Variants in VPS26A observed in about 807,000 individuals in gnomAD.
VPS26A encodes the protein VPS26 retromer complex component A.
In VPS26A, 22 loss-of-function variants were observed where a neutral mutation model predicts 42.4. The observed-to-expected ratio is 0.52, with a 90% confidence interval of 0.37 to 0.74. VPS26A has a LOEUF of 0.74. Among genes scored for constraint, VPS26A ranks in the 30% least tolerant of loss-of-function variants. The probability of loss-of-function intolerance (pLI) is 0.00; values close to 1 mark genes in which losing one functional copy is unlikely to be tolerated. For synonymous variants in VPS26A, 110 were observed against 123.5 expected (o/e 0.89, Z 0.73); for missense variants, 276 against 379.2 (o/e 0.73, Z 2.26).
At position 69,168,614 on chromosome 10, in the gene VPS26A, A is replaced by C; in HGVS notation, c.853A>C (p.Arg285=). The C allele has an allele frequency of 6.2e-7, 1 of 1,613,780 alleles. No individual in the cohort carries two copies. Among genetic ancestry groups the C allele is most frequent in the Non-Finnish European group, 8.5e-7 (1 of 1,179,854 alleles). The change falls in exon 8 of 9, where the codon AGG becomes CGG. Residue 285 remains arginine (R), a synonymous_variant. Transcript: ENST00000263559. ...NLVLVDEEDR[R]YFKQQEIILW... ...AGTGCTTGTTGATGAGGAAGACCGG[A>C]GGTACTTCAAACAGCAGGTATGGTG...
chr10:69,136,809 T>A (rs568621249), intron 2 of VPS26A, among the ~76,000 whole-genome samples: 1 of 143,226 alleles, frequency 7.0e-6, no homozygotes, highest in East Asian at 1.9e-4. Context: ...TTATTTATTT[T>A]GAGATGGAGT....
intron 2 of VPS26A, among the ~76,000 whole-genome samples, chr10:69,147,019 A>G (rs1841173664): frequency 6.6e-6 from 1 of 152,114 alleles, no homozygotes; most frequent in Non-Finnish European, 1.5e-5. Flanking sequence ...AAGCAGCTGC[A>G]CCCTTTCAGA....
chr10:69,141,513 C>G (rs1419431625), intron 2 of VPS26A, among the ~76,000 whole-genome samples: 5 of 152,160 alleles, frequency 3.3e-5, no homozygotes, highest in Admixed American at 2.6e-4. Context: ...CGTACCTCAC[C>G]CAGCCACAAG....
intron 2 of VPS26A, among the ~76,000 whole-genome samples, chr10:69,152,051 T>TA (rs1256613393): frequency 6.6e-6 from 1 of 151,828 alleles, no homozygotes; most frequent in Non-Finnish European, 1.5e-5. Context: ...AGACCCTGTA[T>TA]AAAAAAAATT....
intron 2 of VPS26A, among the ~76,000 whole-genome samples, chr10:69,139,001 G>A (rs72807614): frequency 0.047 from 7,142 of 152,240 alleles, 265 homozygotes; most frequent in Non-Finnish European, 0.063. Context: ...CATTGTCAGA[G>A]TGTATAGTAA....
intron 1 of VPS26A, among the ~76,000 whole-genome samples, chr10:69,129,326 TG>T (rs1429462297): frequency 6.6e-6 from 1 of 152,152 alleles, no homozygotes; most frequent in East Asian, 1.9e-4. Flanking sequence ...TTAGAGGAAA[TG>T]TACTACAGTA....
chr10:69,132,873 T>G (rs1840816664), intron 1 of VPS26A, 25 bp from the exon 2 acceptor site: 1 of 1,568,880 alleles, frequency 6.4e-7, no homozygotes, highest in African/African-American at 1.4e-5. Context: ...ACATGATAAT[T>G]ATGACCATTT....
intron 2 of VPS26A, among the ~76,000 whole-genome samples, chr10:69,145,882 A>G (rs1402371113): frequency 6.6e-6 from 1 of 152,088 alleles, no homozygotes; most frequent in Admixed American, 6.5e-5. Context: ...AAGAAATCCC[A>G]TATTATTAGC....
chr10:69,129,004 A>G (rs1169032286), intron 1 of VPS26A, among the ~76,000 whole-genome samples: 2 of 151,254 alleles, frequency 1.3e-5, no homozygotes, highest in Non-Finnish European at 3.0e-5. Context: ...CTCAAAAAAA[A>G]AAAAAAAAAA....
intron 2 of VPS26A, 62 bp downstream of exon 2, chr10:69,133,109 G>T (rs1452435377): frequency 6.5e-7 from 1 of 1,532,400 alleles, no homozygotes; most frequent in Non-Finnish European, 8.8e-7. Context: ...TATCAAAGTG[G>T]TCTGTGCTGT....
intron 2 of VPS26A, among the ~76,000 whole-genome samples, chr10:69,152,457 G>T (rs1247647007): frequency 6.6e-6 from 1 of 151,846 alleles, no homozygotes; most frequent in South Asian, 2.1e-4. Flanking sequence ...CCATCATATG[G>T]TGTATCACAA....
Position 69,157,006 on chromosome 10 carries a change from G to T in VPS26A, c.230-1G>T. The T allele has an allele frequency of 6.3e-7, 1 of 1,585,930 alleles. No individual in the cohort carries two copies. Among genetic ancestry groups the T allele is most frequent in the South Asian group, 1.1e-5 (1 of 87,160 alleles). Reference sequence around the variant, plus strand: ...TCTTTTTGCCTTTTAAAATTTCTCAGAACTTTTCAATGACAAGAGTAATAC... The same window carrying T: ...TCTTTTTGCCTTTTAAAATTTCTCATAACTTTTCAATGACAAGAGTAATAC... On this transcript the variant is annotated splice_acceptor_variant, in intron 3 of 8. Coordinates refer to ENST00000263559, the MANE Select transcript of VPS26A (RefSeq NM_004896.5). LOFTEE classifies it high-confidence loss of function.
chr10:69,127,461 G>A (rs1232372705), intron 1 of VPS26A, among the ~76,000 whole-genome samples: 2 of 151,322 alleles, frequency 1.3e-5, no homozygotes, highest in Non-Finnish European at 2.9e-5. Flanking sequence ...GCTGAGGCAG[G>A]AGAATGGCAT....
chr10:69,136,908 C>T (rs1840924207), intron 2 of VPS26A, among the ~76,000 whole-genome samples: 1 of 152,078 alleles, frequency 6.6e-6, no homozygotes, highest in Non-Finnish European at 1.5e-5. Context: ...TCTCCTGCCT[C>T]AGCCTCCCGA....
At position 69,173,771 on chromosome 10, in the gene VPS26A, G is replaced by A. The variant is rs530795685; in HGVS notation, c.*2502G>A. ...TCCCAGCACTTTGGGAGGCTGAGGC[G>A]GGCAGATCACCTGAGTTCCAGGAGT... On this transcript the variant is annotated 3_prime_UTR_variant, in exon 9 of 9. Transcript: ENST00000263559. Among the ~76,000 whole-genome samples the A allele has an allele frequency of 1.8e-3, 279 of 152,068 alleles. 1 individual carries two copies. The highest frequency in any genetic ancestry group is 6.4e-3 in the African/African-American group (267 of 41,480).
At chr10:69,168,750 G>A (rs1160008415) in intron 8 of VPS26A, 119 bp downstream of exon 8, 4 of 1,269,092 alleles carry the variant, frequency 3.2e-6, no homozygotes, top group African/African-American at 3.0e-5. Flanking sequence ...TAAAAACACT[G>A]TGGGTATGAT....
intron 2 of VPS26A, among the ~76,000 whole-genome samples, chr10:69,143,224 C>A (rs1350827451): frequency 2.0e-5 from 3 of 152,170 alleles, no homozygotes; most frequent in Middle Eastern, 3.2e-3. Context: ...TGGGCTAGCA[C>A]TGGAAGATCT....
intron 2 of VPS26A, among the ~76,000 whole-genome samples, chr10:69,135,635 G>C (rs959634952): frequency 5.9e-5 from 9 of 152,056 alleles, no homozygotes; most frequent in African/African-American, 2.2e-4. Flanking sequence ...GAAACCATAC[G>C]TAGACCTGAT....
chr10:69,162,686 A>G (rs777346295), intron 6 of VPS26A, among the ~76,000 whole-genome samples, 174 bp downstream of exon 6: 120 of 152,332 alleles, frequency 7.9e-4, no homozygotes, highest in Middle Eastern at 6.8e-3. Flanking sequence ...GATTGTCCAG[A>G]ATTTATTTTT....
Sources: gnomAD v4.1 joint callset for allele counts (sites outside exome capture counted in the v4.1 genomes callset) on GRCh38, gnomAD v4.1.1 for gene constraint, MANE v1.5 for transcripts, NCBI Gene and HGNC (gene_info 2026-07-23, HGNC 2026-07-21) for gene names.